The following EVC variants were observed in gnomAD, a reference collection of about 807,000 sequenced individuals.
The protein encoded by EVC is EvC ciliary complex subunit 1, also known as evC complex member EVC.
In EVC, 116 loss-of-function variants were observed where a neutral mutation model predicts 118.9. The observed-to-expected ratio is 0.98, with a 90% confidence interval of 0.84 to 1.14. The LOEUF is 1.14. Among genes scored for constraint, EVC ranks in the 50% most tolerant of loss-of-function variants. The pLI is 0.00. For synonymous variants in EVC, 619 were observed against 534.7 expected, an observed-to-expected ratio of 1.16 and a Z score of -2.18; for missense variants, 1,401 against 1,246.4, an observed-to-expected ratio of 1.12 and a Z score of -1.87.
At position 5,753,662 on chromosome 4, in the gene EVC, G is replaced by A. The variant is rs567889878; in HGVS notation, c.1316-123G>A. ...AACCCAGGTGTGTCACCAGCAGGGC[G>A]GGCACCATCTCTGCAGCCGACACCA... On this transcript the variant is annotated intron_variant, in intron 9 of 20. Coordinates refer to ENST00000264956, the MANE Select transcript of EVC (RefSeq NM_153717.3). 71 of 1,251,994 alleles carry A rather than the reference G, an allele frequency of 5.7e-5. No homozygotes were observed. In the South Asian group the frequency reaches 5.8e-4, roughly 10 times the overall value. 77.6% of individuals were successfully genotyped at this position (1,251,994 alleles called of 1,614,324 possible). A position where few individuals can be genotyped will look rare whatever the true frequency, so the allele number is the denominator to read the frequency against.
rs1314509668 is a variant in EVC, at chr4:5,711,466, C to T, written c.86C>T (p.Ala29Val). ...DALRPAPALL[A>V]PAVLLGAALG... ...CTGCGGCCGGCGCCCGCCCTGCTGG[C>T]CCCCGCCGTGCTGCTGGGCGCCGCG... The change falls in exon 1 of 21, where the codon GCC becomes GTC. Residue 29 changes from alanine to valine, a missense_variant. By Grantham distance (64) the Ala-to-Val change is moderately conservative. Coordinates refer to ENST00000264956, the MANE Select transcript of EVC (RefSeq NM_153717.3). 50 of 1,060,630 alleles carry T rather than the reference C, an allele frequency of 4.7e-5. No individual in the cohort carries two copies. Among genetic ancestry groups the T allele is most frequent in the Non-Finnish European group, 5.6e-5 (49 of 881,330 alleles). The allele number at this position is 1,060,630 out of a possible 1,614,324, so 65.7% of individuals were successfully genotyped here.
intron 11 of EVC, among the ~76,000 whole-genome samples, chr4:5,782,332 C>T (rs2152282412): frequency 6.6e-6 from 1 of 151,730 alleles, no homozygotes; most frequent in East Asian, 1.9e-4. Flanking sequence ...ACCTCAGCCT[C>T]CCAAAGTGCT....
chr4:5,731,776 C>T lies in EVC; in HGVS notation c.617+119C>T. The T allele has an allele frequency of 1.0e-6, 1 of 996,972 alleles. No individual in the cohort carries two copies. The highest frequency in any genetic ancestry group is 1.5e-6 in the Non-Finnish European group (1 of 647,454). 61.8% of individuals were successfully genotyped at this position (996,972 alleles called of 1,614,324 possible). A position where few individuals can be genotyped will look rare whatever the true frequency, so the allele number is the denominator to read the frequency against. On this transcript the variant is annotated intron_variant, in intron 4 of 20. Transcript: ENST00000264956. This position sits in a 1 kb window ranked among gnomAD's most constrained non-coding sequence, Gnocchi z 5.6. ...AGAGGTTCAGTGACTCTGCCAGGGA[C>T]ACACAGCGACCCAGCGTCACCATCG...
intron 1 of EVC, 68 bp downstream of exon 1, chr4:5,711,622 C>G (rs1241741699): frequency 1.1e-5 from 12 of 1,102,234 alleles, no homozygotes; most frequent in Non-Finnish European, 1.3e-5. Flanking sequence ...GTCCTGCGGG[C>G]CCGGAGCCCC....
At chr4:5,805,543 G>A (rs570056993) in intron 17 of EVC, among the ~76,000 whole-genome samples, 3 of 152,344 alleles carry the variant, frequency 2.0e-5, no homozygotes, top group African/African-American at 4.8e-5. Context: ...GATGTGGGGC[G>A]CAGAAGCATC....
chr4:5,821,884 A>T, the EVC span: 5 of 1,505,876 alleles, frequency 3.3e-6, no homozygotes, highest in South Asian at 6.0e-5. This position sits in a 1 kb window ranked among gnomAD's most constrained non-coding sequence, Gnocchi z 4.4. Flanking sequence ...GCTGGATGGG[A>T]TCTGTTAGCA....
intron 11 of EVC, among the ~76,000 whole-genome samples, chr4:5,757,551 A>G (rs1168895472): frequency 6.6e-6 from 1 of 152,246 alleles, no homozygotes; most frequent in Admixed American, 6.5e-5. Context: ...CGGTGCCAAC[A>G]GGATTGACTT....
At chr4:5,793,232 G>T (rs1180428199) in intron 12 of EVC, among the ~76,000 whole-genome samples, 1 of 152,066 alleles carries the variant, frequency 6.6e-6, no homozygotes, top group African/African-American at 2.4e-5. Flanking sequence ...GTGTGTATAT[G>T]TTAATTATAC....
chr4:5,817,672 A>G (rs376136559), downstream of EVC, among the ~76,000 whole-genome samples: 12 of 152,362 alleles, frequency 7.9e-5, no homozygotes, highest in African/African-American at 1.7e-4. Flanking sequence ...GACACTGTCA[A>G]TGGGCATCAC....
intron 11 of EVC, chr4:5,757,971 C>A: frequency 3.1e-6 from 2 of 647,504 alleles, no homozygotes; most frequent in African/African-American, 1.8e-5. Context: ...CGGAATGTGG[C>A]CACACTTGGA....
intron 15 of EVC, among the ~76,000 whole-genome samples, chr4:5,800,033 C>A (rs1714687113): frequency 6.6e-6 from 1 of 152,188 alleles, no homozygotes; most frequent in Non-Finnish European, 1.5e-5. Context: ...ACCACAACTT[C>A]ACAATTACAA....
rs1730957997 is a variant in EVC, at chr4:5,755,086, C to T, written c.1464+1153C>T. Among the ~76,000 whole-genome samples, 1 of 151,976 alleles carries T rather than the reference C, an allele frequency of 6.6e-6. No individual in the cohort carries two copies. The highest frequency in any genetic ancestry group is 2.4e-5 in the African/African-American group (1 of 41,372). ...CCAGCTGCCTCCCTCACCCAGGGGG[C>T]CTCTTCCAGGCCCATACTTGGAGCT... is the stretch of plus-strand genomic sequence containing the variant. On this transcript the variant is annotated intron_variant, in intron 10 of 20. Coordinates refer to ENST00000264956, the MANE Select transcript of EVC (RefSeq NM_153717.3). The surrounding 1 kb of genome is among the most constrained non-coding windows in gnomAD (Gnocchi z 4.1).
chr4:5,735,757 C>T (rs1727564643), intron 5 of EVC, among the ~76,000 whole-genome samples: 1 of 152,074 alleles, frequency 6.6e-6, no homozygotes, highest in African/African-American at 2.4e-5. Flanking sequence ...AGTGAAAGGC[C>T]CCTGCATGCC....
chr4:5,776,659 G>A (rs1734762162), intron 11 of EVC, among the ~76,000 whole-genome samples: 1 of 151,990 alleles, frequency 6.6e-6, no homozygotes, highest in South Asian at 2.1e-4. Flanking sequence ...CATTGTATGT[G>A]CTCTGTCATT....
rs2279251 is a variant in EVC, at chr4:5,805,062, A to G, written c.2561+221A>G. On this transcript the variant is annotated intron_variant, in intron 17 of 20. Coordinates refer to ENST00000264956, the MANE Select transcript of EVC (RefSeq NM_153717.3). ...AGTGAGCAGGTCATGGTGTGGTGGCAGCTTCATTCCCAGGTTTAAGTGGCA... is the reference window on the plus strand; with the variant it reads ...AGTGAGCAGGTCATGGTGTGGTGGCGGCTTCATTCCCAGGTTTAAGTGGCA... Among the ~76,000 whole-genome samples the G allele has an allele frequency of 0.3, 44,721 of 149,762 alleles. 6,797 individuals are homozygous for G. Among genetic ancestry groups the G allele is most frequent in the South Asian group, 0.43 (1,970 of 4,548 alleles).
intron 2 of EVC, among the ~76,000 whole-genome samples, chr4:5,728,352 A>G (rs7375471): frequency 0.12 from 18,354 of 150,696 alleles, 1,205 homozygotes; most frequent in East Asian, 0.28. Context: ...ATGGGAGTTC[A>G]CTCATGATTT....
intron 5 of EVC, among the ~76,000 whole-genome samples, chr4:5,739,339 A>C (rs1728172194): frequency 6.6e-6 from 1 of 152,168 alleles, no homozygotes; most frequent in Non-Finnish European, 1.5e-5. Flanking sequence ...GCTCATTGTC[A>C]TTGGCAAATA....
rs1728019375 is a variant in EVC, at chr4:5,738,464, G to A, written c.703-3252G>A. Among the ~76,000 whole-genome samples, 1 of 152,164 alleles carries A rather than the reference G, an allele frequency of 6.6e-6. No individual in the cohort carries two copies. The highest frequency in any genetic ancestry group is 2.4e-5 in the African/African-American group (1 of 41,434). The stretch of plus-strand genomic sequence containing the variant: ...GCAGAGAAATCTTTTGTGAAAGGAA[G>A]AGTCAGCTGATGTGGCCCACTTCAG... On this transcript the variant is annotated intron_variant, in intron 5 of 20. Transcript: ENST00000264956. This position sits in a 1 kb window ranked among gnomAD's most constrained non-coding sequence, Gnocchi z 6.5.
Position 5,756,969 on chromosome 4 carries a change from T to G in EVC, c.1563+607T>G, listed in dbSNP as rs908717856. Among the ~76,000 whole-genome samples the G allele has an allele frequency of 3.3e-5, 5 of 152,144 alleles. No individual in the cohort carries two copies. Among genetic ancestry groups the G allele is most frequent in the Non-Finnish European group, 7.4e-5 (5 of 68,006 alleles). ...AGACAGGAGTGTGGACACCTGGCTA[T>G]GAAGGAATCAACCAGTGGGTGTTGG... is the stretch of plus-strand genomic sequence containing the variant. On this transcript the variant is annotated intron_variant, in intron 11 of 20. Transcript: ENST00000264956. This position sits in a 1 kb window ranked among gnomAD's most constrained non-coding sequence, Gnocchi z 4.2.
Sources: gnomAD v4.1 joint callset for allele counts (sites outside exome capture counted in the v4.1 genomes callset) on GRCh38, gnomAD v4.1.1 for gene constraint, Gnocchi (gnomAD v3.1) non-coding constraint, MANE v1.5 for transcripts, NCBI Gene and HGNC (gene_info 2026-07-23, HGNC 2026-07-21) for gene names.